KATNBL1: variants seen among roughly 807,000 people sequenced by gnomAD.
The protein encoded by KATNBL1 is KATNB1-like protein 1.
KATNBL1 carries 28 observed loss-of-function variants against 44.7 expected under a neutral mutation model. The ratio of observed to expected loss-of-function variants is 0.63; its 90% CI spans 0.46 to 0.86. KATNBL1 has a LOEUF of 0.86. Ranked by LOEUF, KATNBL1 falls within the 40% of genes least tolerant of loss-of-function variation. The pLI, the probability that KATNBL1 is intolerant of heterozygous loss-of-function variation, is 0.00. For missense variants in KATNBL1, 272 were observed against 350.7 expected, an observed-to-expected ratio of 0.78 and a Z score of 1.79; for synonymous variants, 78 against 114.9, an observed-to-expected ratio of 0.68 and a Z score of 2.06.
At chr15:34,161,447 T>G (rs1888803613) in intron 2 of KATNBL1, among the ~76,000 whole-genome samples, 1 of 152,110 alleles carries the variant, frequency 6.6e-6, no homozygotes, top group Non-Finnish European at 1.5e-5. Flanking sequence ...CCAAATTTGT[T>G]AGAAACAAAT....
At chr15:34,174,955 T>C (rs1284912192) in intron 1 of KATNBL1, among the ~76,000 whole-genome samples, 1 of 138,426 alleles carries the variant, frequency 7.2e-6, no homozygotes, top group Non-Finnish European at 1.6e-5. Context: ...AATATTAACT[T>C]TTAAAAAGCA....
intron 2 of KATNBL1, among the ~76,000 whole-genome samples, chr15:34,155,783 G>A (rs1888619670): frequency 6.6e-6 from 1 of 152,190 alleles, no homozygotes; most frequent in African/African-American, 2.4e-5. Context: ...ATAAACCGCT[G>A]TTGGTTGTAA....
intron 2 of KATNBL1, among the ~76,000 whole-genome samples, chr15:34,157,186 G>A (rs1432854865): frequency 6.6e-6 from 1 of 152,208 alleles, no homozygotes; most frequent in African/African-American, 2.4e-5. Context: ...TTAATAACAA[G>A]AGGACTAGCA....
intron 1 of KATNBL1, among the ~76,000 whole-genome samples, chr15:34,183,863 G>C (rs1208783686): frequency 6.6e-6 from 1 of 152,170 alleles, no homozygotes; most frequent in Non-Finnish European, 1.5e-5. Flanking sequence ...GAAGCAGAGG[G>C]GAAAAGGTAG....
chr15:34,194,295 T>G (rs918639099), intron 1 of KATNBL1, among the ~76,000 whole-genome samples: 2 of 152,092 alleles, frequency 1.3e-5, no homozygotes, highest in African/African-American at 4.8e-5. Flanking sequence ...TTCCTACATG[T>G]TAAAAGATTT....
chr15:34,163,417 G>T, intron 2 of KATNBL1, 143 bp downstream of exon 2: 3 of 917,462 alleles, frequency 3.3e-6, no homozygotes, highest in Middle Eastern at 3.5e-4. Context: ...GAAATACATT[G>T]GTTATATTTC....
intron 1 of KATNBL1, chr15:34,166,080 C>T (rs1466880239): frequency 6.6e-6 from 1 of 152,502 alleles, no homozygotes; most frequent in Non-Finnish European, 1.5e-5. Flanking sequence ...CTCACTGGGA[C>T]TGGCTGGACA....
chr15:34,184,443 G>A (rs1249047166), intron 1 of KATNBL1, among the ~76,000 whole-genome samples: 3 of 147,436 alleles, frequency 2.0e-5, no homozygotes, highest in Non-Finnish European at 3.0e-5. Context: ...CCGAGATTGC[G>A]CCACTGCACT....
intron 4 of KATNBL1, among the ~76,000 whole-genome samples, chr15:34,151,915 G>A (rs1042368610): frequency 3.3e-5 from 5 of 151,158 alleles, no homozygotes; most frequent in African/African-American, 1.2e-4. Context: ...GGCAAAATGT[G>A]TCTGGATAAC....
At chr15:34,194,194 G>A (rs1323587744) in intron 1 of KATNBL1, among the ~76,000 whole-genome samples, 1 of 152,164 alleles carries the variant, frequency 6.6e-6, no homozygotes, top group African/African-American at 2.4e-5. Context: ...CCTGCCTTGG[G>A]CTCACAAAGT....
At position 34,210,054 on chromosome 15, in the gene KATNBL1, G is replaced by A. The variant is rs955685535; in HGVS notation, c.-118C>T. On this transcript the variant is annotated 5_prime_UTR_variant, in exon 1 of 10. Coordinates refer to ENST00000256544, the MANE Select transcript of KATNBL1 (RefSeq NM_024713.3). ...GGCTTCTGGGCCGAGTCCCACTCAG[G>A]GCCATTCAAACGCGGCCGCGCGCGC... is the stretch of plus-strand genomic sequence containing the variant. 1.3e-5 allele frequency: 2 copies of A among 151,806 alleles called. No individual in the cohort carries two copies. The highest frequency in any genetic ancestry group is 4.8e-5 in the African/African-American group (2 of 41,404). The allele number at this position is 151,806 out of a possible 1,614,324, so 9.4% of individuals were successfully genotyped here. A position where few individuals can be genotyped will look rare whatever the true frequency, so the allele number is the denominator to read the frequency against.
chr15:34,185,317 C>G (rs1325134223), intron 1 of KATNBL1, among the ~76,000 whole-genome samples: 4 of 152,168 alleles, frequency 2.6e-5, no homozygotes, highest in African/African-American at 9.6e-5. Context: ...CCTTCACTAT[C>G]TCTTTTTGTA....
At chr15:34,174,486 C>A (rs8028950) in intron 1 of KATNBL1, among the ~76,000 whole-genome samples, 49,823 of 151,938 alleles carry the variant, frequency 0.33, 8,586 homozygotes, top group African/African-American at 0.45. Context: ...ATACTGATAA[C>A]TGTATTATAT....
chr15:34,192,864 GT>G (rs1889915831), intron 1 of KATNBL1, among the ~76,000 whole-genome samples: 1 of 152,148 alleles, frequency 6.6e-6, no homozygotes. Flanking sequence ...AGTATTAAAC[GT>G]TTTTACTTTA....
chr15:34,184,254 C>T (rs909054212), intron 1 of KATNBL1, among the ~76,000 whole-genome samples: 4 of 150,966 alleles, frequency 2.6e-5, no homozygotes, highest in African/African-American at 4.9e-5. Flanking sequence ...TGCAGTGAGC[C>T]GAGATCGCGC....
chr15:34,160,542 G>A (rs1888768111), intron 2 of KATNBL1, among the ~76,000 whole-genome samples: 1 of 152,074 alleles, frequency 6.6e-6, no homozygotes, highest in Non-Finnish European at 1.5e-5. Context: ...AATTTTACAG[G>A]TCTTTCATCT....
chr15:34,153,123 A>C, intron 3 of KATNBL1, 54 bp from the exon 4 acceptor site: 1 of 1,328,516 alleles, frequency 7.5e-7, no homozygotes, highest in African/African-American at 1.5e-5. Context: ...AAATCCTTTA[A>C]AAGTTTTTAA....
At position 34,141,410 on chromosome 15, in the gene KATNBL1, G is replaced by C. The variant is rs150902114; in HGVS notation, c.*929C>G. 4.6e-5 allele frequency: 7 copies of C among 152,622 alleles called. No homozygotes were observed. In the East Asian group the frequency reaches 1.2e-3, roughly 25 times the overall value. The allele number at this position is 152,622 out of a possible 1,614,324, so 9.5% of individuals were successfully genotyped here. ...AAAAAGCAAAAAATAGAAATATTTA[G>C]TGAATTTACTCAAATGAAGGAAGTT... On this transcript the variant is annotated 3_prime_UTR_variant, in exon 10 of 10. Transcript: ENST00000256544.
At chr15:34,172,418 G>C (rs144268400) in intron 1 of KATNBL1, among the ~76,000 whole-genome samples, 72 of 151,878 alleles carry the variant, frequency 4.7e-4, no homozygotes, top group African/African-American at 1.7e-3. Context: ...CACCATGCCT[G>C]GCTAATTTCT....
Sources: gnomAD v4.1 joint callset for allele counts (sites outside exome capture counted in the v4.1 genomes callset) on GRCh38, gnomAD v4.1.1 for gene constraint, MANE v1.5 for transcripts, NCBI Gene and HGNC (gene_info 2026-07-23, HGNC 2026-07-21) for gene names.